Variants in CAMKMT observed in about 807,000 individuals in gnomAD.
CAMKMT encodes the protein CaM KMT.
Under a neutral mutation model 48.0 loss-of-function variants are expected in CAMKMT, and 53 were observed. That is an observed-to-expected ratio of 1.10 (90% CI 0.89 to 1.39). The LOEUF (loss-of-function observed/expected upper bound fraction) is 1.39, where lower values mean the gene tolerates loss of function less well. Among genes scored for constraint, CAMKMT ranks in the 40% most tolerant of loss-of-function variants. The pLI is 0.00. For synonymous variants in CAMKMT, 165 were observed against 152.3 expected, an observed-to-expected ratio of 1.08 and a Z score of -0.61; for missense variants, 428 against 402.7, an observed-to-expected ratio of 1.06 and a Z score of -0.54.
intron 3 of CAMKMT, among the ~76,000 whole-genome samples, chr2:44,695,527 A>G (rs1273659071): frequency 6.6e-6 from 1 of 152,110 alleles, no homozygotes; most frequent in Non-Finnish European, 1.5e-5. Flanking sequence ...GGATTCCAGA[A>G]CTGTCCTACA....
chr2:44,466,849 A>T (rs1337436592), intron 3 of CAMKMT, among the ~76,000 whole-genome samples: 1 of 152,244 alleles, frequency 6.6e-6, no homozygotes, highest in Admixed American at 6.5e-5. Flanking sequence ...CACAGAACTG[A>T]AAAGGACTAT....
intron 3 of CAMKMT, among the ~76,000 whole-genome samples, chr2:44,480,588 A>G (rs1349294586): frequency 6.6e-6 from 1 of 152,204 alleles, no homozygotes; most frequent in Non-Finnish European, 1.5e-5. Flanking sequence ...GTTTACTCAA[A>G]TTAATATGAA....
chr2:44,595,456 T>G (rs1670596180), intron 3 of CAMKMT, among the ~76,000 whole-genome samples: 1 of 152,090 alleles, frequency 6.6e-6, no homozygotes, highest in Admixed American at 6.6e-5. Flanking sequence ...AAGGACCTCT[T>G]CAAGGAGAGC....
chr2:44,565,242 T>C (rs1329423237), intron 3 of CAMKMT, among the ~76,000 whole-genome samples: 1 of 152,106 alleles, frequency 6.6e-6, no homozygotes, highest in African/African-American at 2.4e-5. Flanking sequence ...GATCTATAAA[T>C]TGGATCAAGA....
At chr2:44,498,353 T>A (rs1314572213) in intron 3 of CAMKMT, among the ~76,000 whole-genome samples, 2 of 152,198 alleles carry the variant, frequency 1.3e-5, no homozygotes, top group East Asian at 3.8e-4. Context: ...ATTAGGCTCT[T>A]ACACTGAGAA....
Position 44,489,892 on chromosome 2 carries a change from G to A in CAMKMT, c.376+99587G>A, listed in dbSNP as rs549034904. On this transcript the variant is annotated intron_variant, in intron 3 of 10. Coordinates refer to ENST00000378494, the MANE Select transcript of CAMKMT (RefSeq NM_024766.5). ...ATTGGGTTCCATGTTCACTATTTGG[G>A]TGAAAGGTTCACTTGAAGCCCAAAC... Among the ~76,000 whole-genome samples the A allele has an allele frequency of 1.8e-4, 28 of 152,082 alleles. No homozygotes were observed. The South Asian group carries it at 5.0e-3, about 27-fold the overall frequency.
intron 3 of CAMKMT, among the ~76,000 whole-genome samples, chr2:44,584,589 A>G (rs1669746894): frequency 6.6e-6 from 1 of 152,250 alleles, no homozygotes; most frequent in Admixed American, 6.5e-5. Context: ...TACAGAATGC[A>G]ACAATTATTT....
intron 1 of CAMKMT, among the ~76,000 whole-genome samples, chr2:44,364,884 C>T (rs949866288): frequency 1.3e-5 from 2 of 152,158 alleles, no homozygotes; most frequent in African/African-American, 4.8e-5. Context: ...ACCACAGAGA[C>T]ACATTTTAAA....
chr2:44,556,807 G>A (rs1668040370), intron 3 of CAMKMT, among the ~76,000 whole-genome samples: 1 of 150,350 alleles, frequency 6.7e-6, no homozygotes, highest in Non-Finnish European at 1.5e-5. Context: ...GCTAGGCACA[G>A]TGGCTCACGC....
At chr2:44,569,071 C>A (rs1313081480) in intron 3 of CAMKMT, among the ~76,000 whole-genome samples, 1 of 152,008 alleles carries the variant, frequency 6.6e-6, no homozygotes, top group African/African-American at 2.4e-5. Context: ...CAGGTAGAGC[C>A]CCAAACTAAG....
intron 10 of CAMKMT, among the ~76,000 whole-genome samples, chr2:44,767,620 A>C (rs1308119258): frequency 6.6e-6 from 1 of 152,182 alleles, no homozygotes; most frequent in African/African-American, 2.4e-5. Flanking sequence ...GTTACATTAC[A>C]TCCTCTCACT....
intron 3 of CAMKMT, among the ~76,000 whole-genome samples, chr2:44,469,724 C>G (rs1175831890): frequency 6.6e-6 from 1 of 152,036 alleles, no homozygotes; most frequent in African/African-American, 2.4e-5. Context: ...ATGTTGTACG[C>G]TTATCATCAC....
chr2:44,729,890 A>T (rs1276552841), intron 7 of CAMKMT, among the ~76,000 whole-genome samples: 2 of 152,198 alleles, frequency 1.3e-5, no homozygotes, highest in East Asian at 3.9e-4. Flanking sequence ...AGACCTGCTG[A>T]ATCGGAAACT....
intron 3 of CAMKMT, among the ~76,000 whole-genome samples, chr2:44,642,487 T>G (rs1363162139): frequency 6.6e-6 from 1 of 152,198 alleles, no homozygotes; most frequent in Non-Finnish European, 1.5e-5. Flanking sequence ...TTCATACACA[T>G]TTATTGTAAT....
intron 3 of CAMKMT, among the ~76,000 whole-genome samples, chr2:44,546,047 G>A (rs1262287971): frequency 1.3e-5 from 2 of 151,938 alleles, no homozygotes; most frequent in African/African-American, 2.4e-5. Context: ...TTATGTAAGA[G>A]GTAAGATTAG....
intron 3 of CAMKMT, among the ~76,000 whole-genome samples, chr2:44,487,191 A>C (rs2104700463): frequency 6.6e-6 from 1 of 152,328 alleles, no homozygotes; most frequent in South Asian, 2.1e-4. Context: ...TGTTAGAACA[A>C]ACTACTTTTC....
chr2:44,591,296 C>A (rs1479441884), intron 3 of CAMKMT, among the ~76,000 whole-genome samples: 1 of 151,866 alleles, frequency 6.6e-6, no homozygotes, highest in East Asian at 1.9e-4. Flanking sequence ...TGAAGAAAGT[C>A]ATTGGTAGCT....
At chr2:44,577,908 C>G (rs1015452085) in intron 3 of CAMKMT, among the ~76,000 whole-genome samples, 5 of 152,148 alleles carry the variant, frequency 3.3e-5, no homozygotes, top group African/African-American at 9.7e-5. Context: ...ATTTATTGCC[C>G]GTAGACAGAT....
At chr2:44,472,249 G>C (rs368758313) in intron 3 of CAMKMT, among the ~76,000 whole-genome samples, 24 of 151,988 alleles carry the variant, frequency 1.6e-4, no homozygotes, top group African/African-American at 5.8e-4. Context: ...TTTTTTGTGT[G>C]TTTTTAGTAG....
Sources: allele counts gnomAD v4.1 joint callset (sites outside exome capture counted in the v4.1 genomes callset), GRCh38; gene constraint gnomAD v4.1.1; transcripts MANE v1.5; gene names NCBI Gene and HGNC (gene_info 2026-07-23, HGNC 2026-07-21).